Variants in INSR observed in about 807,000 individuals in gnomAD.
INSR encodes insulin receptor, also known as IR.
A neutral mutation model predicts 142.6 loss-of-function variants in INSR; 67 were observed. That is an observed-to-expected ratio of 0.47 (90% CI 0.39 to 0.58). The LOEUF is 0.58. INSR is among the 20% of genes least tolerant of loss of function. The pLI is 0.00. For synonymous variants in INSR, 756 were observed against 743.1 expected, an observed-to-expected ratio of 1.02 and a Z score of -0.28; for missense variants, 1,248 against 1,833.2, an observed-to-expected ratio of 0.68 and a Z score of 5.83.
At chr19:7,172,503 G>A (rs763567229) in intron 4 of INSR, 69 bp from the exon 5 acceptor site, 3 of 1,524,434 alleles carry the variant, frequency 2.0e-6, no homozygotes, top group Non-Finnish European at 2.7e-6. Flanking sequence ...ATTCTCCATG[G>A]TGAGAAGATA....
intron 13 of INSR, 169 bp downstream of exon 13, chr19:7,141,508 A>G: frequency 1.2e-6 from 1 of 864,996 alleles, no homozygotes; most frequent in Non-Finnish European, 1.8e-6. Flanking sequence ...GGCATTTCTG[A>G]CCCATCTTCC....
At chr19:7,155,480 T>C (rs534987898) in intron 9 of INSR, among the ~76,000 whole-genome samples, 198 of 147,988 alleles carry the variant, frequency 1.3e-3, no homozygotes, top group Admixed American at 2.4e-3. Context: ...GGAGGTTGCA[T>C]TGAGCCAAGA....
chr19:7,256,786 T>A lies in INSR; in HGVS notation c.652+10559A>T, dbSNP rs909876797. Among the ~76,000 whole-genome samples the A allele has an allele frequency of 5.3e-5, 8 of 151,738 alleles. 1 individual carries two copies. Reference sequence around the variant, plus strand: ...ATCTGAGTGAAAAATGAATTACAACTACTGTGGAATTTTTTTCAGTACAGT... The same window carrying A: ...ATCTGAGTGAAAAATGAATTACAACAACTGTGGAATTTTTTTCAGTACAGT... On this transcript the variant is annotated intron_variant, in intron 2 of 21. Coordinates refer to ENST00000302850, the MANE Select transcript of INSR (RefSeq NM_000208.4).
In INSR at chr19:7,170,640, T is replaced by C; in HGVS notation, c.1380A>G (p.Lys460=). ...QGKLFFHYNP[K]LCLSEIHKME... is the part of the protein sequence containing the mutation. ...TCTTGTGGATTTCTGACAAGCAGAGTTTGGGGTTATAGTGGAAGAAGAGTT... is the reference window on the plus strand; with the variant it reads ...TCTTGTGGATTTCTGACAAGCAGAGCTTGGGGTTATAGTGGAAGAAGAGTT... Residue 460 remains lysine, a synonymous_variant, in exon 6 of 22, where the codon AAA becomes AAG. Coordinates refer to ENST00000302850, the MANE Select transcript of INSR (RefSeq NM_000208.4). 6.2e-7 allele frequency: 1 copy of C among 1,613,634 alleles called. No individual in the cohort carries two copies. The highest frequency in any genetic ancestry group is 8.5e-7 in the Non-Finnish European group (1 of 1,179,908).
chr19:7,166,547 G>A lies in INSR; in HGVS notation c.1611-143C>T, dbSNP rs185660441. 458 of 909,264 alleles carry A rather than the reference G, an allele frequency of 5.0e-4. 3 individuals are homozygous for A. The African/African-American group carries it at 5.8e-3, about 12-fold the overall frequency. 56.3% of individuals were successfully genotyped at this position (909,264 alleles called of 1,614,324 possible). On this transcript the variant is annotated intron_variant, in intron 7 of 21. Coordinates refer to ENST00000302850, the MANE Select transcript of INSR (RefSeq NM_000208.4). The surrounding 1 kb of genome is among the most constrained non-coding windows in gnomAD (Gnocchi z 4.1). Reference sequence around the variant, plus strand: ...CTAATGCCACAAGAAAAAATAACTCGGGAACAGCCAAAGAGAAAGGAACTG... The same window carrying A: ...CTAATGCCACAAGAAAAAATAACTCAGGAACAGCCAAAGAGAAAGGAACTG...
rs747078620 is a variant in INSR at position 7,150,545 on chromosome 19, A to T, written c.2232-13T>A. ...TGAAGAGGTTTTTCTGTGGAAACAA[A>T]ACCAACGCCTTTGAGGACAGAGGGA... On this transcript the variant is annotated splice_polypyrimidine_tract_variant and intron_variant, in intron 10 of 21. Transcript: ENST00000302850. The surrounding 1 kb of genome is among the most constrained non-coding windows in gnomAD (Gnocchi z 4.2). The T allele has an allele frequency of 6.2e-7, 1 of 1,614,050 alleles. No individual in the cohort carries two copies. Among genetic ancestry groups the T allele is most frequent in the Non-Finnish European group, 8.5e-7 (1 of 1,179,954 alleles).
At chr19:7,157,756 TGG>T (rs1973634637) in intron 9 of INSR, among the ~76,000 whole-genome samples, 1 of 151,774 alleles carries the variant, frequency 6.6e-6, no homozygotes, top group East Asian at 1.9e-4. Flanking sequence ...GCTTGGTGCC[TGG>T]TGACTGCTGA....
At position 7,267,307 on chromosome 19, in the gene INSR, C is replaced by T; in HGVS notation, c.652+38G>A. 1 of 1,601,584 alleles carries T rather than the reference C, an allele frequency of 6.2e-7. No homozygotes were observed. On this transcript the variant is annotated intron_variant, in intron 2 of 21. Coordinates refer to ENST00000302850, the MANE Select transcript of INSR (RefSeq NM_000208.4). The surrounding 1 kb of genome is among the most constrained non-coding windows in gnomAD (Gnocchi z 6.3). ...ACATTTTAAGCTTTCTAGAACAAGGCACGAGACACTGCTTAGAACCCTGTA... is the reference window on the plus strand; with the variant it reads ...ACATTTTAAGCTTTCTAGAACAAGGTACGAGACACTGCTTAGAACCCTGTA...
intron 2 of INSR, among the ~76,000 whole-genome samples, chr19:7,263,221 G>A (rs1387346833): frequency 1.3e-5 from 2 of 151,892 alleles, no homozygotes; most frequent in African/African-American, 4.8e-5. Flanking sequence ...GGAGGTTGCA[G>A]TGAGCTGAGA....
chr19:7,226,728 C>CAAAAAAAAAAAA lies in INSR; in HGVS notation c.652+40605_652+40616dup, dbSNP rs71177177. Among the ~76,000 whole-genome samples, 2 of 112,888 alleles carry CAAAAAAAAAAAA rather than the reference C, an allele frequency of 1.8e-5. 1 individual carries two copies. Among genetic ancestry groups the CAAAAAAAAAAAA allele is most frequent in the Non-Finnish European group, 3.4e-5 (2 of 58,620 alleles). The allele number at this position is 112,888 out of a possible 152,430, so 74.1% of individuals were successfully genotyped here. On this transcript the variant is annotated intron_variant, in intron 2 of 21. Coordinates refer to ENST00000302850, the MANE Select transcript of INSR (RefSeq NM_000208.4). The stretch of plus-strand genomic sequence containing the variant: ...GGGCAACAGAGCCAGACCCTGTTTC[C>CAAAAAAAAAAAA]AAAAAAAAAAAAAAAATGCCTGAAG...
chr19:7,177,864 T>A, intron 3 of INSR, among the ~76,000 whole-genome samples: 1 of 151,696 alleles, frequency 6.6e-6, no homozygotes, highest in South Asian at 2.1e-4. Flanking sequence ...CCAATTTGAG[T>A]TGGGGTTCTG....
intron 1 of INSR, among the ~76,000 whole-genome samples, chr19:7,288,894 C>T (rs951750781): frequency 5.7e-5 from 8 of 139,412 alleles, no homozygotes; most frequent in African/African-American, 1.9e-4. Flanking sequence ...ACCCAGGAGA[C>T]GGAGGTTGTA....
chr19:7,141,345 G>A lies in INSR; in HGVS notation c.2682+332C>T, dbSNP rs117592694. ...GCTTGGATTACAGGTGTGAGCCACT[G>A]TACCCAGCAATTTATAAGGTTTTAA... On this transcript the variant is annotated intron_variant, in intron 13 of 21. Coordinates refer to ENST00000302850, the MANE Select transcript of INSR (RefSeq NM_000208.4). 8.8e-3 allele frequency among the ~76,000 whole-genome samples: 1,345 copies of A among 152,250 alleles called. 33 individuals are homozygous for A. Among genetic ancestry groups the A allele is most frequent in the East Asian group, 0.077 (399 of 5,176 alleles).
rs1568429326 is a variant in INSR at position 7,124,540 on chromosome 19, GGAAAAAAAAAAAAAAAAAAAAA to G, written c.3258+721_3258+742del. ...CACAACAAAGCGAGACTCCGTTTCA[GGAAAAAAAAAAAAAAAAAAAAA>G]AAAAAAAAAAAAAAAAAAAAAAAAA... On this transcript the variant is annotated intron_variant, in intron 17 of 21. Coordinates refer to ENST00000302850, the MANE Select transcript of INSR (RefSeq NM_000208.4). Among the ~76,000 whole-genome samples, 34 of 10,810 alleles carry G rather than the reference GGAAAAAAAAAAAAAAAAAAAAA, an allele frequency of 3.1e-3. 4 individuals are homozygous for G. Among genetic ancestry groups the G allele is most frequent in the South Asian group, 7.2e-3 (1 of 138 alleles). The allele number at this position is 10,810 out of a possible 152,430, so 7.1% of individuals were successfully genotyped here. A position where few individuals can be genotyped will look rare whatever the true frequency, so the allele number is the denominator to read the frequency against.
chr19:7,184,663 G>GAAATAAATAAATAAAT (rs57380348), intron 2 of INSR, 26 bp from the exon 3 acceptor site: 9 of 962,672 alleles, frequency 9.3e-6, no homozygotes, highest in African/African-American at 3.7e-5. Flanking sequence ...GAGAGAGAGG[G>GAAATAAATAAATAAAT]AAATAAATAA....
intron 3 of INSR, among the ~76,000 whole-genome samples, chr19:7,177,519 GTTTTGTTTTTGT>G (rs546261247): frequency 8.3e-4 from 126 of 151,598 alleles, no homozygotes; most frequent in Non-Finnish European, 1.3e-3. Context: ...TGGTTTTTTT[GTTTTGTTTTTGT>G]TTTTGTTTTT....
At chr19:7,229,443 A>G (rs1035404003) in intron 2 of INSR, among the ~76,000 whole-genome samples, 8 of 152,234 alleles carry the variant, frequency 5.3e-5, no homozygotes, top group Non-Finnish European at 1.2e-4. Flanking sequence ...CAAGAAGTAG[A>G]CAAACTGTGT....
At chr19:7,183,263 G>GGTGTGTGTGTGT (rs71177167) in intron 3 of INSR, among the ~76,000 whole-genome samples, 2,231 of 146,560 alleles carry the variant, frequency 0.015, 24 homozygotes, top group South Asian at 0.033. Context: ...GTTGTTTTGT[G>GGTGTGTGTGTGT]GTGTGTGTGT....
rs1380670253 is a variant in INSR, at chr19:7,267,428, G to A, written c.569C>T (p.Ala190Val). ...EECGDICPGT[A>V]KGKTNCPATV... is the part of the protein sequence containing the mutation. ...GGCGGGGCAGTTGGTCTTGCCCTTC[G>A]CGGTACCCGGACAGATGTCTCCACA... The change falls in exon 2 of 22, where the codon GCG (alanine) becomes GTG (valine). Residue 190 changes from alanine to valine, a missense_variant. Coordinates refer to ENST00000302850, the MANE Select transcript of INSR (RefSeq NM_000208.4). The surrounding 1 kb of genome is among the most constrained non-coding windows in gnomAD (Gnocchi z 6.3). 6.2e-7 allele frequency: 1 copy of A among 1,613,992 alleles called. No homozygotes were observed.
Sources: gnomAD v4.1 joint callset for allele counts (sites outside exome capture counted in the v4.1 genomes callset) on GRCh38, gnomAD v4.1.1 for gene constraint, Gnocchi (gnomAD v3.1) non-coding constraint, MANE v1.5 for transcripts, NCBI Gene and HGNC (gene_info 2026-07-23, HGNC 2026-07-21) for gene names.